DTX2: variants seen among roughly 807,000 people sequenced by gnomAD.
DTX2 encodes deltex E3 ubiquitin ligase 2.
DTX2 carries 29 observed loss-of-function variants against 55.3 expected under a neutral mutation model. The ratio of observed to expected loss-of-function variants is 0.52; its 90% CI spans 0.39 to 0.71. The LOEUF (loss-of-function observed/expected upper bound fraction) is 0.71. DTX2 is among the 30% of genes least tolerant of loss of function. DTX2 has a pLI of 0.00. For missense variants in DTX2, 537 were observed against 822.5 expected (o/e 0.65, Z 4.25); for synonymous variants, 276 against 340.4 (o/e 0.81, Z 2.08).
At position 76,482,955 on chromosome 7, in the gene DTX2, G is replaced by A. The variant is rs552000434; in HGVS notation, c.716G>A (p.Gly239Glu). 3 of 1,613,778 alleles carry A rather than the reference G, an allele frequency of 1.9e-6. No individual in the cohort carries two copies. In the East Asian group the frequency reaches 6.7e-5, roughly 36 times the overall value. Reference sequence around the variant, plus strand: ...CCACACAGGACCGCTTCTGTGTTTGGGACCCACCAGGCCTTTGCACCGTAC... The same window carrying A: ...CCACACAGGACCGCTTCTGTGTTTGAGACCCACCAGGCCTTTGCACCGTAC... Reference protein sequence around the residue: ...HPPHRTASVFGTHQAFAPYNK... With the variant: ...HPPHRTASVFETHQAFAPYNK... Residue 239 changes from glycine to glutamate, a missense_variant, in exon 4 of 11, where the codon GGG (glycine) becomes GAG (glutamate). Gly to Glu is a moderately conservative substitution (Grantham distance 98, BLOSUM62 -2). This residue lies in a region of DTX2 where 301 missense variants were observed against 396.6 expected (regional missense o/e 0.76). Transcript: ENST00000430490.
chr7:76,501,002 C>G (rs1235868510), intron 7 of DTX2, among the ~76,000 whole-genome samples: 2 of 152,206 alleles, frequency 1.3e-5, no homozygotes, highest in Non-Finnish European at 2.9e-5. Context: ...CACTGCAGCC[C>G]TGTCCTCCTG....
At chr7:76,468,447 CATTTTTTTTT>C (rs1225497133) in intron 2 of DTX2, among the ~76,000 whole-genome samples, 50 of 77,644 alleles carry the variant, frequency 6.4e-4, no homozygotes, top group Middle Eastern at 5.2e-3. Flanking sequence ...GGCCCACTGC[CATTTTTTTTT>C]TTTTTTTTTT....
At chr7:76,481,072 C>T (rs1809140946) in intron 3 of DTX2, among the ~76,000 whole-genome samples, 1 of 152,232 alleles carries the variant, frequency 6.6e-6, no homozygotes, top group South Asian at 2.1e-4. Context: ...GGAGGTGGTG[C>T]GTCATAGGAG....
chr7:76,502,341 A>G lies in DTX2; in HGVS notation c.1274A>G (p.Tyr425Cys). The change falls in exon 8 of 11, where the codon TAC (tyrosine) becomes TGC (cysteine). Residue 425 changes from tyrosine to cysteine, a missense_variant. By Grantham distance (194) the Tyr-to-Cys change is radical. Transcript: ENST00000430490. ...CMEKLSTASGYSDVTDSKAIG... is the reference protein window; with the variant it reads ...CMEKLSTASGCSDVTDSKAIG... ...GAGAAGCTGTCCACAGCGTCTGGAT[A>G]CAGCGATGTGACTGACAGCAAGGCA... 2.5e-6 allele frequency: 4 copies of G among 1,610,364 alleles called. 1 individual carries two copies. Among genetic ancestry groups the G allele is most frequent in the Non-Finnish European group, 3.4e-6 (4 of 1,178,780 alleles).
intron 7 of DTX2, among the ~76,000 whole-genome samples, chr7:76,501,105 A>G (rs1811618693): frequency 7.0e-6 from 1 of 142,942 alleles, no homozygotes; most frequent in African/African-American, 2.6e-5. Context: ...CTGCAGCACC[A>G]CTTTCCCCTG....
intron 2 of DTX2, among the ~76,000 whole-genome samples, chr7:76,477,431 C>T (rs1808672639): frequency 6.9e-6 from 1 of 145,772 alleles, no homozygotes; most frequent in Admixed American, 6.9e-5. Context: ...CTGCTGTATG[C>T]CTAGTGCTGT....
Position 76,483,853 on chromosome 7 carries a change from A to C in DTX2, c.908+706A>C, listed in dbSNP as rs1474579459. Among the ~76,000 whole-genome samples, 3 of 151,890 alleles carry C rather than the reference A, an allele frequency of 2.0e-5. No homozygotes were observed. The East Asian group carries it at 5.8e-4, about 30-fold the overall frequency. On this transcript the variant is annotated intron_variant, in intron 4 of 10. Coordinates refer to ENST00000430490, the MANE Select transcript of DTX2 (RefSeq NM_001102594.3). ...AAGATCATTTGAACCCAGCAGTCAG[A>C]GACCAGCCTGAGCAACATAGCGAGA...
intron 2 of DTX2, among the ~76,000 whole-genome samples, chr7:76,466,832 A>G (rs1807241524): frequency 6.6e-6 from 1 of 152,162 alleles, no homozygotes; most frequent in Admixed American, 6.5e-5. Context: ...TCCTGACCTC[A>G]GGTGATCCAC....
In DTX2 at chr7:76,480,710, G is replaced by A; in HGVS notation, c.201G>A (p.Gln67=). The A allele has an allele frequency of 6.2e-7, 1 of 1,613,612 alleles. No homozygotes were observed. Among genetic ancestry groups the A allele is most frequent in the Non-Finnish European group, 8.5e-7 (1 of 1,179,780 alleles). ...TGGCCCACAGCATCCCCTTGGGCCA[G>A]GCAGACCCCTCGCTGGCCCCTTACA... is the stretch of plus-strand genomic sequence containing the variant. ...GSLAHSIPLG[Q]ADPSLAPYII... The change falls in exon 3 of 11, where the codon CAG becomes CAA. Residue 67 remains glutamine, a synonymous_variant. Coordinates refer to ENST00000430490, the MANE Select transcript of DTX2 (RefSeq NM_001102594.3).
intron 10 of DTX2, among the ~76,000 whole-genome samples, chr7:76,504,717 G>A (rs535449530): frequency 9.2e-5 from 14 of 152,332 alleles, no homozygotes; most frequent in South Asian, 4.1e-4. Context: ...GGCAGGGACC[G>A]GGGGCTGTGT....
In DTX2 at chr7:76,464,833, C is replaced by T. The variant is rs181888318; in HGVS notation, c.-90+1124C>T. On this transcript the variant is annotated intron_variant, in intron 2 of 10. Transcript: ENST00000430490. ...AGAGGCAGGTGAGTGGTTTTGCCCT[C>T]AGTTGCTTATAGTCTAGTTGAAGAG... Among the ~76,000 whole-genome samples the T allele has an allele frequency of 6.8e-3, 1,022 of 151,090 alleles. 11 individuals are homozygous for T. Among genetic ancestry groups the T allele is most frequent in the Non-Finnish European group, 0.013 (860 of 68,010 alleles).
chr7:76,479,887 C>G (rs536023616), intron 2 of DTX2, among the ~76,000 whole-genome samples: 2 of 150,848 alleles, frequency 1.3e-5, no homozygotes, highest in East Asian at 3.9e-4. Flanking sequence ...TTTATGCTCT[C>G]TTTCTTCATG....
intron 2 of DTX2, among the ~76,000 whole-genome samples, chr7:76,468,758 AT>A (rs3972784): frequency 0.31 from 8,418 of 26,992 alleles, 831 homozygotes; most frequent in East Asian, 0.6. Context: ...CACGCCCAGC[AT>A]TTTTTTTTTT....
chr7:76,472,533 G>A (rs1808053379), intron 2 of DTX2, among the ~76,000 whole-genome samples: 1 of 147,820 alleles, frequency 6.8e-6, no homozygotes, highest in Non-Finnish European at 1.5e-5. Context: ...CACCATGTTG[G>A]CCAGGCTGGT....
Position 76,502,390 on chromosome 7 carries a change from C to A in DTX2, c.1323C>A (p.His441Gln). The change falls in exon 8 of 11, where the codon CAC becomes CAA. Residue 441 changes from histidine to glutamine, a missense_variant. Physicochemically the swap from His to Gln is conservative, Grantham distance 24. Around this residue, in one of 7 missense-constraint regions of DTX2, gnomAD observed 121 missense variants for 136.8 expected, o/e 0.88. Transcript: ENST00000430490. ...SKAIGSLAVG[H>Q]LTKCSHAFHL... ...CAATCGGGTCCCTAGCTGTGGGCCACCTCACCAAGTGCAGCCATGCCTTCC... is the reference window on the plus strand; with the variant it reads ...CAATCGGGTCCCTAGCTGTGGGCCAACTCACCAAGTGCAGCCATGCCTTCC... 2 of 1,612,742 alleles carry A rather than the reference C, an allele frequency of 1.2e-6. No homozygotes were observed. Among genetic ancestry groups the A allele is most frequent in the Non-Finnish European group, 1.7e-6 (2 of 1,179,944 alleles).
intron 2 of DTX2, among the ~76,000 whole-genome samples, chr7:76,468,185 G>C (rs1482950625): frequency 1.3e-5 from 2 of 152,408 alleles, no homozygotes; most frequent in Non-Finnish European, 2.9e-5. Flanking sequence ...GGCGGGTGCT[G>C]TTGGCATGCT....
chr7:76,503,094 G>C, intron 8 of DTX2: 1 of 352,504 alleles, frequency 2.8e-6, no homozygotes, highest in Non-Finnish European at 5.2e-6. Context: ...TGGGCAGCCA[G>C]GGCCCAGCTC....
intron 2 of DTX2, chr7:76,477,261 A>G (rs1330590521): frequency 8.3e-5 from 12 of 145,190 alleles, no homozygotes; most frequent in African/African-American, 2.9e-4. Context: ...AGAGCTGCCA[A>G]TTCCTGTGTT....
chr7:76,468,177 C>T (rs1278583747), intron 2 of DTX2, among the ~76,000 whole-genome samples: 22 of 152,382 alleles, frequency 1.4e-4, no homozygotes, highest in Admixed American at 1.1e-3. Context: ...TTCCCAGGGG[C>T]GGGTGCTGTT....
Sources: allele counts gnomAD v4.1 joint callset (sites outside exome capture counted in the v4.1 genomes callset), GRCh38; gene constraint gnomAD v4.1.1; regional missense constraint gnomAD v4.1.1; transcripts MANE v1.5; gene names NCBI Gene and HGNC (gene_info 2026-07-23, HGNC 2026-07-21).